DNAAF11: variants seen among roughly 807,000 people sequenced by gnomAD.
The protein encoded by DNAAF11 is leucine rich repeat containing 6.
DNAAF11 carries 45 observed loss-of-function variants against 60.8 expected under a neutral mutation model. That is an observed-to-expected ratio of 0.74 (90% confidence interval 0.58 to 0.95). DNAAF11 has a LOEUF of 0.95. DNAAF11 is among the 40% of genes least tolerant of loss of function. DNAAF11 has a pLI of 0.00. For missense variants in DNAAF11, 546 were observed against 546.2 expected (o/e 1.00, Z 0.00); for synonymous variants, 191 against 183.5 (o/e 1.04, Z -0.33).
In DNAAF11 at chr8:132,674,558, C is replaced by A. The variant is rs781714520; in HGVS notation, c.10+926G>T. Among the ~76,000 whole-genome samples, 8 of 152,302 alleles carry A rather than the reference C, an allele frequency of 5.3e-5. No homozygotes were observed. The East Asian group carries it at 1.5e-3, about 29-fold the overall frequency. ...GGTTCATACAATATAAATAACTTAC[C>A]CGCATCACCTTGCAGTTTGTTAGTA... is the stretch of plus-strand genomic sequence containing the variant. On this transcript the variant is annotated intron_variant, in intron 1 of 11. Transcript: ENST00000620350.
intron 2 of DNAAF11, among the ~76,000 whole-genome samples, chr8:132,658,886 G>A (rs183289470): frequency 1.3e-5 from 2 of 152,244 alleles, no homozygotes; most frequent in East Asian, 3.9e-4. Context: ...TAAAAAAAAG[G>A]CTCTGTAAGT....
intron 8 of DNAAF11, among the ~76,000 whole-genome samples, chr8:132,613,849 T>C (rs1471583867): frequency 6.6e-6 from 1 of 152,156 alleles, no homozygotes; most frequent in East Asian, 1.9e-4. Flanking sequence ...AGAGATTAAA[T>C]AAAATGGGGC....
At chr8:132,619,698 G>A (rs1233858231) in intron 7 of DNAAF11, among the ~76,000 whole-genome samples, 2 of 152,216 alleles carry the variant, frequency 1.3e-5, no homozygotes, top group Non-Finnish European at 2.9e-5. Flanking sequence ...AAAACCAGGG[G>A]AAGGGAGGTT....
At chr8:132,660,951 A>T (rs1824072756) in intron 2 of DNAAF11, among the ~76,000 whole-genome samples, 1 of 152,136 alleles carries the variant, frequency 6.6e-6, no homozygotes, top group Admixed American at 6.6e-5. Flanking sequence ...ATCTTCATTG[A>T]CCTGATCCCT....
chr8:132,686,466 T>C, the DNAAF11 span, among the ~76,000 whole-genome samples: 6 of 152,158 alleles, frequency 3.9e-5, no homozygotes, highest in Admixed American at 3.9e-4. Flanking sequence ...AAAATATTGT[T>C]TTACTACACA....
chr8:132,573,625 A>G (rs1814445512), intron 11 of DNAAF11, among the ~76,000 whole-genome samples: 1 of 152,200 alleles, frequency 6.6e-6, no homozygotes, highest in Non-Finnish European at 1.5e-5. Context: ...ATTATCTCTG[A>G]CCTAAAGAAA....
At chr8:132,601,287 G>A (rs1817588585) in intron 10 of DNAAF11, among the ~76,000 whole-genome samples, 1 of 152,148 alleles carries the variant, frequency 6.6e-6, no homozygotes, top group African/African-American at 2.4e-5. Context: ...GTGCTGGAGA[G>A]GATGTGGAGA....
At chr8:132,689,539 T>A in the DNAAF11 span, among the ~76,000 whole-genome samples, 1 of 152,094 alleles carries the variant, frequency 6.6e-6, no homozygotes. Flanking sequence ...TTCTTGTGTA[T>A]CTTCCACACT....
At chr8:132,699,859 T>C in the DNAAF11 span, among the ~76,000 whole-genome samples, 1 of 152,186 alleles carries the variant, frequency 6.6e-6, no homozygotes, top group Non-Finnish European at 1.5e-5. Context: ...ATAGGTCACA[T>C]ATCATATGAT....
At chr8:132,650,869 G>A (rs1822941488) in intron 3 of DNAAF11, among the ~76,000 whole-genome samples, 1 of 152,154 alleles carries the variant, frequency 6.6e-6, no homozygotes. Flanking sequence ...ATATATCTTT[G>A]GATGTTGCTA....
intron 3 of DNAAF11, among the ~76,000 whole-genome samples, chr8:132,654,459 TG>T (rs1823335427): frequency 6.6e-6 from 1 of 152,070 alleles, no homozygotes; most frequent in East Asian, 1.9e-4. Flanking sequence ...AACCCAAGAA[TG>T]GCAGCATGTA....
intron 1 of DNAAF11, among the ~76,000 whole-genome samples, chr8:132,662,039 G>A (rs145717698): frequency 2.0e-5 from 3 of 152,204 alleles, no homozygotes; most frequent in African/African-American, 7.2e-5. Context: ...GCTGTCAGAG[G>A]GCAGAAATAT....
intron 10 of DNAAF11, among the ~76,000 whole-genome samples, chr8:132,592,688 G>C (rs1461141937): frequency 6.6e-6 from 1 of 152,116 alleles, no homozygotes; most frequent in African/African-American, 2.4e-5. Context: ...TATGAAAAGA[G>C]GAAGTCTATT....
rs1365880193 is a variant in DNAAF11, at chr8:132,656,834, C to T, written c.252G>A (p.Leu84=). 10 of 1,293,842 alleles carry T rather than the reference C, an allele frequency of 7.7e-6. No homozygotes were observed. The highest frequency in any genetic ancestry group is 9.9e-6 in the Non-Finnish European group (9 of 912,920). The allele number at this position is 1,293,842 out of a possible 1,614,324, so 80.1% of individuals were successfully genotyped here. A position where few individuals can be genotyped will look rare whatever the true frequency, so the allele number is the denominator to read the frequency against. The change falls in exon 3 of 12, where the codon TTG becomes TTA. Residue 84 remains leucine, a synonymous_variant. Coordinates refer to ENST00000620350, the MANE Select transcript of DNAAF11 (RefSeq NM_012472.6). ...ALNNIEKIEN[L]EGCEELAKLD... is the part of the protein sequence containing the mutation. ...TAATAGAAGAAACAGTCTTACCTTCCAAGTTTTCTATTTTTTCAATGTTGT... is the reference window on the plus strand; with the variant it reads ...TAATAGAAGAAACAGTCTTACCTTCTAAGTTTTCTATTTTTTCAATGTTGT...
At chr8:132,583,669 T>C in intron 11 of DNAAF11, 25 bp downstream of exon 11, 2 of 1,578,798 alleles carry the variant, frequency 1.3e-6, no homozygotes, top group Non-Finnish European at 8.7e-7. Flanking sequence ...ATAATACAGC[T>C]AAGGACAGTC....
chr8:132,665,148 C>T (rs1186651267), intron 1 of DNAAF11, among the ~76,000 whole-genome samples: 1 of 152,008 alleles, frequency 6.6e-6, no homozygotes, highest in East Asian at 1.9e-4. Context: ...AAGCAAACTG[C>T]CGTGTGGCTT....
In DNAAF11 at chr8:132,653,326, AT is replaced by A. The variant is rs1823216076; in HGVS notation, c.256+3503del. ...CTTCAAAAATGGAAAATAAATTAAG[AT>A]TTTTTAGATAGACAAAAATGAGAGT... On this transcript the variant is annotated intron_variant, in intron 3 of 11. Coordinates refer to ENST00000620350, the MANE Select transcript of DNAAF11 (RefSeq NM_012472.6). 3.3e-5 allele frequency among the ~76,000 whole-genome samples: 5 copies of A among 152,252 alleles called. No homozygotes were observed. The South Asian group carries it at 1.0e-3, about 32-fold the overall frequency.
At chr8:132,596,392 G>T (rs771757343) in intron 10 of DNAAF11, among the ~76,000 whole-genome samples, 7 of 152,086 alleles carry the variant, frequency 4.6e-5, no homozygotes, top group Admixed American at 1.3e-4. Context: ...TACTTGGAAG[G>T]TCACTCTTCT....
chr8:132,660,582 C>T (rs1299787735), intron 2 of DNAAF11, among the ~76,000 whole-genome samples: 1 of 152,206 alleles, frequency 6.6e-6, no homozygotes, highest in East Asian at 1.9e-4. Flanking sequence ...AGTAACTCCA[C>T]AGGCCTCCCT....
Sources: allele counts gnomAD v4.1 joint callset (sites outside exome capture counted in the v4.1 genomes callset), GRCh38; gene constraint gnomAD v4.1.1; transcripts MANE v1.5; gene names NCBI Gene and HGNC (gene_info 2026-07-23, HGNC 2026-07-21).